The following MAP3K12 variants were observed in gnomAD, a reference collection of about 807,000 sequenced individuals.
MAP3K12 encodes the protein mitogen-activated protein kinase kinase kinase 12, also known as MAPK-upstream kinase.
A neutral mutation model predicts 87.5 loss-of-function variants in MAP3K12; 14 were observed. The ratio of observed to expected loss-of-function variants is 0.16; its 90% CI spans 0.11 to 0.25. The LOEUF (loss-of-function observed/expected upper bound fraction) is 0.25. Ranked by LOEUF, MAP3K12 falls within the 10% of genes least tolerant of loss-of-function variation. The pLI is 1.00. For missense variants in MAP3K12, 802 were observed against 1,140.4 expected (o/e 0.70, Z 4.27); for synonymous variants, 469 against 452.5 (o/e 1.04, Z -0.46).
intron 4 of MAP3K12, 88 bp downstream of exon 4, chr12:53,485,968 G>C: frequency 1.6e-6 from 2 of 1,285,974 alleles, no homozygotes; most frequent in East Asian, 4.7e-5. Context: ...CATGGACCTA[G>C]GGCATGGTTT....
intron 1 of MAP3K12, among the ~76,000 whole-genome samples, chr12:53,495,590 C>T (rs929637464): frequency 2.1e-5 from 3 of 145,880 alleles, no homozygotes; most frequent in Non-Finnish European, 4.5e-5. Context: ...ATGTCTCATT[C>T]TGTTGCCCAG....
At position 53,481,096 on chromosome 12, in the gene MAP3K12, G is replaced by A. The variant is rs1430014610; in HGVS notation, c.*86C>T. The A allele has an allele frequency of 1.2e-5, 7 of 569,526 alleles. No homozygotes were observed. Among genetic ancestry groups the A allele is most frequent in the Non-Finnish European group, 1.7e-5 (7 of 419,252 alleles). The allele number at this position is 569,526 out of a possible 1,614,324, so 35.3% of individuals were successfully genotyped here. A position where few individuals can be genotyped will look rare whatever the true frequency, so the allele number is the denominator to read the frequency against. On this transcript the variant is annotated 3_prime_UTR_variant, in exon 14 of 14. Coordinates refer to ENST00000547488, the MANE Select transcript of MAP3K12 (RefSeq NM_001193511.2). ...GCTGGGACAGCCCCATCTTTCTGTT[G>A]ATTATGTGGCGCATATATATATATA...
chr12:53,481,816 G>T, intron 13 of MAP3K12, 125 bp downstream of exon 13: 2 of 1,195,160 alleles, frequency 1.7e-6, no homozygotes, highest in Non-Finnish European at 2.3e-6. Context: ...TCCACCACGT[G>T]GATATTTGCT....
intron 1 of MAP3K12, among the ~76,000 whole-genome samples, chr12:53,498,669 G>A (rs945424509): frequency 9.9e-5 from 15 of 152,066 alleles, no homozygotes; most frequent in Admixed American, 2.6e-4. Flanking sequence ...GTTTTTGGAG[G>A]GCCTGACTGG....
At chr12:53,492,438 G>A (rs1451701960) in intron 1 of MAP3K12, among the ~76,000 whole-genome samples, 5 of 151,898 alleles carry the variant, frequency 3.3e-5, no homozygotes, top group African/African-American at 9.7e-5. Context: ...CTTAAGCCCC[G>A]CACACTCTCT....
At chr12:53,482,507 G>A (rs1943090735) in intron 11 of MAP3K12, 58 bp downstream of exon 11, 3 of 1,597,508 alleles carry the variant, frequency 1.9e-6, no homozygotes, top group East Asian at 2.2e-5. Flanking sequence ...GATTAGACTT[G>A]GACCCCAGGG....
chr12:53,498,678 G>C (rs1225850535), intron 1 of MAP3K12, among the ~76,000 whole-genome samples: 1 of 152,088 alleles, frequency 6.6e-6, no homozygotes, highest in East Asian at 1.9e-4. Context: ...GGGCCTGACT[G>C]GGGGAGATGG....
In MAP3K12 at chr12:53,485,463, G is replaced by A. The variant is rs766237336; in HGVS notation, c.834C>T (p.Thr278=). ...CTGAGATCTTCACCACATCGTCGTA[G>A]GTGATTAGCATGCTGGTAAAGAGTG... ...RDLKSPNMLI[T]YDDVVKISDF... is the part of the protein sequence containing the mutation. Residue 278 remains threonine, a synonymous_variant, in exon 5 of 14, where the codon ACC becomes ACT. Coordinates refer to ENST00000547488, the MANE Select transcript of MAP3K12 (RefSeq NM_001193511.2). The A allele has an allele frequency of 3.8e-5, 61 of 1,613,872 alleles. No homozygotes were observed. In the Admixed American group the frequency reaches 9.7e-4, roughly 26 times the overall value.
chr12:53,486,282 G>A lies in MAP3K12; in HGVS notation c.630-35C>T. ...AAACAATGGTATGAAGGCCTCAGCT[G>A]GCTCAGCATTCACCTGATTCATACC... On this transcript the variant is annotated intron_variant, in intron 3 of 13. Coordinates refer to ENST00000547488, the MANE Select transcript of MAP3K12 (RefSeq NM_001193511.2). This position sits in a 1 kb window ranked among gnomAD's most constrained non-coding sequence, Gnocchi z 4.9. The A allele has an allele frequency of 1.3e-6, 2 of 1,569,838 alleles. No homozygotes were observed. The highest frequency in any genetic ancestry group is 1.2e-5 in the South Asian group (1 of 84,250).
At chr12:53,488,781 CAA>C (rs904804430) in intron 1 of MAP3K12, among the ~76,000 whole-genome samples, 3 of 151,992 alleles carry the variant, frequency 2.0e-5, no homozygotes. Flanking sequence ...CACTTGAGCT[CAA>C]GAGTTTGAGA....
At position 53,482,040 on chromosome 12, in the gene MAP3K12, C is replaced by G; in HGVS notation, c.2481G>C (p.Gln827His). ...PDERSDDMCS[Q>H]GSEIPLDPPP... ...GTGGGTCCAGTGGGATTTCTGAGCC[C>G]TGGGAGCACATGTCATCAGACCGCT... The change falls in exon 13 of 14, where the codon CAG (glutamine) becomes CAC (histidine). Residue 827 changes from glutamine (Q) to histidine (H), a missense_variant. Physicochemically the swap from Gln to His is conservative, Grantham distance 24 (BLOSUM62 0). This residue lies in a region of MAP3K12 where 490 missense variants were observed against 496.6 expected (regional missense o/e 0.99). Coordinates refer to ENST00000547488, the MANE Select transcript of MAP3K12 (RefSeq NM_001193511.2). 1 of 1,614,164 alleles carries G rather than the reference C, an allele frequency of 6.2e-7. No homozygotes were observed. Among genetic ancestry groups the G allele is most frequent in the African/African-American group, 1.3e-5 (1 of 75,022 alleles).
chr12:53,483,785 C>T, intron 8 of MAP3K12, 62 bp from the exon 9 acceptor site: 1 of 1,612,298 alleles, frequency 6.2e-7, no homozygotes, highest in South Asian at 1.1e-5. Context: ...TAACAGATCT[C>T]AGTCTCAGAA....
At position 53,482,771 on chromosome 12, in the gene MAP3K12, T is replaced by G; in HGVS notation, c.2032A>C (p.Ser678Arg). 6.2e-7 allele frequency: 1 copy of G among 1,613,748 alleles called. No homozygotes were observed. Among genetic ancestry groups the G allele is most frequent in the South Asian group, 1.1e-5 (1 of 91,078 alleles). ...GTGGAGCCAGGGGCTGAGCCCTCAC[T>G]TGGTGGGGTGTCACCCCGGGCCGGA... ...PPPARGDTPPSEGSAPGSTSP... is the reference protein window; with the variant it reads ...PPPARGDTPPREGSAPGSTSP... The change falls in exon 11 of 14, where the codon AGT becomes CGT. Residue 678 changes from serine to arginine, a missense_variant. Physicochemically the swap from Ser to Arg is moderately radical, Grantham distance 110. Coordinates refer to ENST00000547488, the MANE Select transcript of MAP3K12 (RefSeq NM_001193511.2).
At position 53,486,297 on chromosome 12, in the gene MAP3K12, T is replaced by C. The variant is rs1012943771; in HGVS notation, c.630-50A>G. On this transcript the variant is annotated intron_variant, in intron 3 of 13. Coordinates refer to ENST00000547488, the MANE Select transcript of MAP3K12 (RefSeq NM_001193511.2). The surrounding 1 kb of genome is among the most constrained non-coding windows in gnomAD (Gnocchi z 4.9). Reference sequence around the variant, plus strand: ...GGCCTCAGCTGGCTCAGCATTCACCTGATTCATACCTGGAACCCCCATTCC... The same window carrying C: ...GGCCTCAGCTGGCTCAGCATTCACCCGATTCATACCTGGAACCCCCATTCC... The C allele has an allele frequency of 1.9e-6, 3 of 1,558,806 alleles. No homozygotes were observed. Among genetic ancestry groups the C allele is most frequent in the Non-Finnish European group, 2.6e-6 (3 of 1,149,408 alleles).
chr12:53,482,546 G>A lies in MAP3K12; in HGVS notation c.2238+19C>T. 6.3e-7 allele frequency: 1 copy of A among 1,597,808 alleles called. No homozygotes were observed. Among genetic ancestry groups the A allele is most frequent in the Non-Finnish European group, 8.5e-7 (1 of 1,171,908 alleles). On this transcript the variant is annotated intron_variant, in intron 11 of 13. Coordinates refer to ENST00000547488, the MANE Select transcript of MAP3K12 (RefSeq NM_001193511.2). The stretch of plus-strand genomic sequence containing the variant: ...ATAAGGAAAAAGGGAAAGAGCTTGG[G>A]AGCCTTCCCATACTTTACCTGACTT...
chr12:53,501,215 TGTG>T, upstream of MAP3K12: 1 of 623,230 alleles, frequency 1.6e-6, no homozygotes, highest in South Asian at 2.0e-5. Context: ...CGCAGAGGGT[TGTG>T]GGGCGGATAG....
intron 1 of MAP3K12, among the ~76,000 whole-genome samples, chr12:53,488,383 CGGGTGCAGT>C (rs1252812364): frequency 1.6e-4 from 25 of 152,198 alleles, no homozygotes; most frequent in Non-Finnish European, 3.1e-4. Context: ...ACCATTAGGC[CGGGTGCAGT>C]GGCTCACACC....
rs751811299 is a variant in MAP3K12 at position 53,480,560 on chromosome 12, A to C, written c.*622T>G. The C allele has an allele frequency of 1.3e-5, 2 of 152,664 alleles. No individual in the cohort carries two copies. The highest frequency in any genetic ancestry group is 3.8e-4 in the East Asian group (2 of 5,200). 9.5% of individuals were successfully genotyped at this position (152,664 alleles called of 1,614,324 possible). Reference sequence around the variant, plus strand: ...TTACAGTAGGACAGTCCCCACCCCAATCAGGCACCAGGATAAAAGCAGGGA... The same window carrying C: ...TTACAGTAGGACAGTCCCCACCCCACTCAGGCACCAGGATAAAAGCAGGGA... On this transcript the variant is annotated 3_prime_UTR_variant, in exon 14 of 14. Transcript: ENST00000547488.
At position 53,481,298 on chromosome 12, in the gene MAP3K12, A is replaced by C; in HGVS notation, c.2581-18T>G. 6.8e-7 allele frequency: 1 copy of C among 1,463,472 alleles called. No homozygotes were observed. Among genetic ancestry groups the C allele is most frequent in the Non-Finnish European group, 9.2e-7 (1 of 1,087,244 alleles). 90.7% of individuals were successfully genotyped at this position (1,463,472 alleles called of 1,614,324 possible). A position where few individuals can be genotyped will look rare whatever the true frequency, so the allele number is the denominator to read the frequency against. The stretch of plus-strand genomic sequence containing the variant: ...GGAGGGCCCTGTGAGAAAGAGTAGA[A>C]ATGGAGTGAGATTCCTTGGGGTTCT... On this transcript the variant is annotated intron_variant, in intron 13 of 13. Coordinates refer to ENST00000547488, the MANE Select transcript of MAP3K12 (RefSeq NM_001193511.2).
Sources: gnomAD v4.1 joint callset for allele counts (sites outside exome capture counted in the v4.1 genomes callset) on GRCh38, gnomAD v4.1.1 for gene constraint, gnomAD v4.1.1 regional missense constraint, Gnocchi (gnomAD v3.1) non-coding constraint, MANE v1.5 for transcripts, NCBI Gene and HGNC (gene_info 2026-07-23, HGNC 2026-07-21) for gene names.